SLC9A2: variants seen among roughly 807,000 people sequenced by gnomAD.
The protein encoded by SLC9A2 is solute carrier family 9 member A2.
In SLC9A2, 42 loss-of-function variants were observed where a neutral mutation model predicts 71.7. The ratio of observed to expected loss-of-function variants is 0.59; its 90% confidence interval spans 0.46 to 0.76. SLC9A2 has a LOEUF of 0.76. SLC9A2 is among the 30% of genes least tolerant of loss of function. The pLI is 0.00. For missense variants in SLC9A2, 829 were observed against 1,017.4 expected, an observed-to-expected ratio of 0.81 and a Z score of 2.52; for synonymous variants, 396 against 392.5, an observed-to-expected ratio of 1.01 and a Z score of -0.10.
intron 3 of SLC9A2, among the ~76,000 whole-genome samples, chr2:102,675,029 A>T (rs1677323124): frequency 6.6e-6 from 1 of 152,216 alleles, no homozygotes; most frequent in African/African-American, 2.4e-5. Flanking sequence ...GAGAACTGTC[A>T]TGGGATCAGA....
chr2:102,692,071 C>T (rs1180057855), intron 5 of SLC9A2, among the ~76,000 whole-genome samples: 1 of 152,228 alleles, frequency 6.6e-6, no homozygotes, highest in Non-Finnish European at 1.5e-5. Flanking sequence ...TTAGTGAATT[C>T]TCCCATCTCT....
chr2:102,690,189 G>A (rs982370235), intron 5 of SLC9A2, among the ~76,000 whole-genome samples: 5 of 152,178 alleles, frequency 3.3e-5, no homozygotes, highest in Non-Finnish European at 7.3e-5. Flanking sequence ...AACACTAAAG[G>A]AGGCGAAACA....
At chr2:102,681,053 A>AT (rs1677444152) in intron 3 of SLC9A2, among the ~76,000 whole-genome samples, 1 of 152,154 alleles carries the variant, frequency 6.6e-6, no homozygotes, top group Non-Finnish European at 1.5e-5. Flanking sequence ...GCAAGATGGA[A>AT]ATCTGCATTG....
At chr2:102,702,891 T>G (rs1050503911) in intron 9 of SLC9A2, among the ~76,000 whole-genome samples, 9 of 152,248 alleles carry the variant, frequency 5.9e-5, no homozygotes, top group African/African-American at 2.2e-4. Context: ...CTTCTTTCAC[T>G]TCGTTTCCAT....
rs567852783 is a variant in SLC9A2 at position 102,689,670 on chromosome 2, C to T, written c.1426-4744C>T. 24 of 152,226 alleles carry T rather than the reference C, an allele frequency of 1.6e-4. 1 individual carries two copies. The South Asian group carries it at 2.9e-3, about 18-fold the overall frequency. The allele number at this position is 152,226 out of a possible 1,614,324, so 9.4% of individuals were successfully genotyped here. A position where few individuals can be genotyped will look rare whatever the true frequency, so the allele number is the denominator to read the frequency against. On this transcript the variant is annotated intron_variant, in intron 5 of 11. Coordinates refer to ENST00000233969, the MANE Select transcript of SLC9A2 (RefSeq NM_003048.6). Reference sequence around the variant, plus strand: ...ACTTTACAACAATCCTACAATAAAACGAGCAAGATGATCAGGCTTTTTTAA... The same window carrying T: ...ACTTTACAACAATCCTACAATAAAATGAGCAAGATGATCAGGCTTTTTTAA...
At chr2:102,623,389 C>T (rs1477541530) in intron 1 of SLC9A2, among the ~76,000 whole-genome samples, 1 of 152,144 alleles carries the variant, frequency 6.6e-6, no homozygotes, top group Admixed American at 6.5e-5. Flanking sequence ...GATTCGTCTG[C>T]ATAGAGCCCA....
intron 5 of SLC9A2, among the ~76,000 whole-genome samples, chr2:102,685,069 G>A (rs1229556633): frequency 6.6e-6 from 1 of 152,204 alleles, no homozygotes; most frequent in East Asian, 1.9e-4. Context: ...CATGGTAAGG[G>A]TAAAGTCGTG....
chr2:102,680,670 A>G (rs1677435651), intron 3 of SLC9A2, among the ~76,000 whole-genome samples: 1 of 152,184 alleles, frequency 6.6e-6, no homozygotes, highest in East Asian at 1.9e-4. Context: ...GGCCTCAAAG[A>G]TGTCCCCAAA....
intron 3 of SLC9A2, among the ~76,000 whole-genome samples, chr2:102,665,724 A>G (rs1330288435): frequency 8.1e-6 from 1 of 122,702 alleles, no homozygotes; most frequent in Non-Finnish European, 1.6e-5. Context: ...CGGTGAGCCG[A>G]GATTGTGCCA....
chr2:102,640,127 G>T (rs891372819), intron 1 of SLC9A2, among the ~76,000 whole-genome samples: 1 of 152,182 alleles, frequency 6.6e-6, no homozygotes, highest in African/African-American at 2.4e-5. Flanking sequence ...GTCTCCTGAG[G>T]CTTGGTGTAC....
At chr2:102,702,605 G>C in intron 9 of SLC9A2, 103 bp downstream of exon 9, 1 of 689,530 alleles carries the variant, frequency 1.5e-6, no homozygotes, top group Non-Finnish European at 2.6e-6. Flanking sequence ...ACTGGGCTCA[G>C]CAGGTCCCAT....
intron 1 of SLC9A2, among the ~76,000 whole-genome samples, chr2:102,621,507 T>G (rs571200899): frequency 7.9e-5 from 12 of 152,240 alleles, no homozygotes; most frequent in Non-Finnish European, 1.2e-4. Flanking sequence ...TTTTACTTTA[T>G]ATTTTAAAGA....
chr2:102,704,229 C>T (rs749509713), intron 9 of SLC9A2, among the ~76,000 whole-genome samples: 25 of 152,076 alleles, frequency 1.6e-4, no homozygotes, highest in Non-Finnish European at 2.6e-4. Flanking sequence ...GGGAAAGTTG[C>T]TTGAGCCCAG....
Position 102,701,176 on chromosome 2 carries a change from A to G in SLC9A2, c.1693A>G (p.Ile565Val). 6.2e-7 allele frequency: 1 copy of G among 1,611,818 alleles called. No individual in the cohort carries two copies. The highest frequency in any genetic ancestry group is 8.5e-7 in the Non-Finnish European group (1 of 1,179,182). ...TAAAAAGCTTGAAATAAAACATGCC[A>G]TTGAGATGGCAGAGACTGGGATGAT... is the stretch of plus-strand genomic sequence containing the variant. The part of the protein sequence containing the change: ...LYKKLEIKHA[I>V]EMAETGMIST... Residue 565 changes from isoleucine (I) to valine (V), a missense_variant, in exon 8 of 12, where the codon ATT (isoleucine) becomes GTT (valine). Transcript: ENST00000233969.
rs777672924 is a variant in SLC9A2, at chr2:102,702,488, C to T, written c.1831C>T (p.Gln611Ter). ...IRELLSRNLY[Q>*]IRQRTLSYNR... ...AGAACTCTTATCAAGAAATCTCTAT[C>T]AAATCCGTCAGCGAGTAAGAATAAT... The change falls in exon 9 of 12, where the codon CAA becomes TAA. Residue 611 changes from glutamine (Q) to a stop codon, truncating the protein, a stop_gained. Coordinates refer to ENST00000233969, the MANE Select transcript of SLC9A2 (RefSeq NM_003048.6). LOFTEE classifies it high-confidence loss of function. 6.3e-7 allele frequency: 1 copy of T among 1,577,984 alleles called. No homozygotes were observed. Among genetic ancestry groups the T allele is most frequent in the Non-Finnish European group, 8.6e-7 (1 of 1,156,110 alleles).
chr2:102,703,222 C>G (rs1305221455), intron 9 of SLC9A2, among the ~76,000 whole-genome samples: 1 of 152,170 alleles, frequency 6.6e-6, no homozygotes, highest in East Asian at 1.9e-4. Flanking sequence ...TCCTACAGTA[C>G]CTTTTAATTT....
intron 7 of SLC9A2, among the ~76,000 whole-genome samples, chr2:102,700,197 C>G (rs1477279931): frequency 6.6e-6 from 1 of 152,088 alleles, no homozygotes; most frequent in Non-Finnish European, 1.5e-5. Flanking sequence ...TTGGGATGCC[C>G]CATAGATATC....
chr2:102,701,285 A>G (rs1186475148), intron 8 of SLC9A2, 54 bp downstream of exon 8: 1 of 1,246,930 alleles, frequency 8.0e-7, no homozygotes, highest in Non-Finnish European at 1.1e-6. Flanking sequence ...CATTGATAGT[A>G]TTTTGAAACT....
intron 2 of SLC9A2, among the ~76,000 whole-genome samples, chr2:102,661,796 G>C (rs938840001): frequency 1.3e-5 from 2 of 152,094 alleles, no homozygotes; most frequent in African/African-American, 4.8e-5. Context: ...AAGTGTCAAG[G>C]GGAGACCAAC....
Sources: gnomAD v4.1 joint callset for allele counts (sites outside exome capture counted in the v4.1 genomes callset) on GRCh38, gnomAD v4.1.1 for gene constraint, MANE v1.5 for transcripts, NCBI Gene and HGNC (gene_info 2026-07-23, HGNC 2026-07-21) for gene names.